The following ARMC8 variants were observed in gnomAD, a reference collection of about 807,000 sequenced individuals.
ARMC8 encodes armadillo repeat-containing protein 8.
In ARMC8, 20 loss-of-function variants were observed where a neutral mutation model predicts 99.3. That is an observed-to-expected ratio of 0.20 (90% CI 0.14 to 0.29). The LOEUF (loss-of-function observed/expected upper bound fraction) is 0.29, where lower values mean the gene tolerates loss of function less well. Ranked by LOEUF, ARMC8 falls within the 10% of genes least tolerant of loss-of-function variation. The pLI is 1.00. For missense variants in ARMC8, 569 were observed against 809.5 expected (o/e 0.70, Z 3.60); for synonymous variants, 263 against 278.3 (o/e 0.95, Z 0.55).
chr3:138,242,024 T>C, intron 11 of ARMC8, 41 bp downstream of exon 11: 1 of 1,568,016 alleles, frequency 6.4e-7, no homozygotes, highest in Non-Finnish European at 8.8e-7. Flanking sequence ...GGGAGATTTT[T>C]CTAAAGTTTT....
In ARMC8 at chr3:138,246,126, G is replaced by A. The variant is rs117745068; in HGVS notation, c.1134+943G>A. Reference sequence around the variant, plus strand: ...GTTCTTCAGGCCTGTAGAAAGAGGAGTATGGAACAACCTTACATTTGTTGA... The same window carrying A: ...GTTCTTCAGGCCTGTAGAAAGAGGAATATGGAACAACCTTACATTTGTTGA... On this transcript the variant is annotated intron_variant, in intron 12 of 21. Transcript: ENST00000469044. The A allele has an allele frequency of 7.9e-5, 78 of 985,434 alleles. 4 individuals are homozygous for A. In the East Asian group the frequency reaches 8.4e-3, roughly 106 times the overall value. 61.0% of individuals were successfully genotyped at this position (985,434 alleles called of 1,614,324 possible).
At chr3:138,203,015 A>C (rs569376468) in intron 1 of ARMC8, among the ~76,000 whole-genome samples, 1 of 152,328 alleles carries the variant, frequency 6.6e-6, no homozygotes, top group Admixed American at 6.5e-5. Context: ...TGGGTAGTTT[A>C]TTCAATCAAA....
intron 6 of ARMC8, among the ~76,000 whole-genome samples, chr3:138,229,963 C>T (rs570335141): frequency 5.3e-4 from 80 of 152,242 alleles, no homozygotes; most frequent in African/African-American, 1.8e-3. Context: ...TTAGAACAGC[C>T]TTCCAAATAA....
At chr3:138,221,744 C>A (rs2045407963) in intron 2 of ARMC8, among the ~76,000 whole-genome samples, 182 bp from the exon 3 acceptor site, 1 of 152,130 alleles carries the variant, frequency 6.6e-6, no homozygotes, top group Non-Finnish European at 1.5e-5. Flanking sequence ...TACAATACGC[C>A]GTTTTACAGC....
chr3:138,242,930 A>G (rs1196411180), intron 11 of ARMC8, among the ~76,000 whole-genome samples: 2 of 152,224 alleles, frequency 1.3e-5, no homozygotes, highest in African/African-American at 4.8e-5. Flanking sequence ...CTCTCTGGGT[A>G]TTAAACTTAT....
chr3:138,274,811 C>T (rs976251497), intron 18 of ARMC8, among the ~76,000 whole-genome samples: 1 of 152,130 alleles, frequency 6.6e-6, no homozygotes, highest in East Asian at 1.9e-4. Context: ...GAGCAGTCAC[C>T]TTTCATCATC....
At chr3:138,245,029 A>T in intron 11 of ARMC8, 59 bp from the exon 12 acceptor site, 1 of 1,571,860 alleles carries the variant, frequency 6.4e-7, no homozygotes, top group Admixed American at 1.8e-5. Context: ...AACTCAGTTA[A>T]TGTTATTGAA....
chr3:138,287,229 G>A (rs1160340499), intron 19 of ARMC8, among the ~76,000 whole-genome samples: 1 of 152,204 alleles, frequency 6.6e-6, no homozygotes, highest in Non-Finnish European at 1.5e-5. Flanking sequence ...AGTCCTTACT[G>A]TGGCCTACAA....
chr3:138,254,805 T>C (rs1247885688), intron 12 of ARMC8, among the ~76,000 whole-genome samples: 2 of 152,242 alleles, frequency 1.3e-5, no homozygotes, highest in South Asian at 2.1e-4. Context: ...AACTTTCTTC[T>C]AATGTTTCTT....
intron 12 of ARMC8, among the ~76,000 whole-genome samples, chr3:138,255,315 G>T (rs1181226029): frequency 6.7e-6 from 1 of 149,028 alleles, no homozygotes; most frequent in Non-Finnish European, 1.5e-5. Context: ...CCATTCTCCT[G>T]CCTCAGCCTC....
At chr3:138,188,467 A>G (rs2043199819) in intron 1 of ARMC8, 2 of 1,612,908 alleles carry the variant, frequency 1.2e-6, no homozygotes, top group East Asian at 4.5e-5. Context: ...CCAGGAATGA[A>G]AGTTACTGGG....
At chr3:138,267,121 A>T (rs1287146097) in intron 14 of ARMC8, 34 bp from the exon 15 acceptor site, 8 of 1,113,780 alleles carry the variant, frequency 7.2e-6, no homozygotes, top group Non-Finnish European at 1.0e-5. Context: ...TCATCATTCC[A>T]AATCATTAGT....
At position 138,205,340 on chromosome 3, in the gene ARMC8, C is replaced by T. The variant is rs142392760; in HGVS notation, c.46-4477C>T. 7.4e-4 allele frequency among the ~76,000 whole-genome samples: 113 copies of T among 151,962 alleles called. 2 individuals carry two copies. In the East Asian group the frequency reaches 8.6e-3, roughly 12 times the overall value. ...CTGGGATTACAGGCGTGAGCCACCACGCCCGGCGGCAATTCAGTCTTTTAA... is the reference window on the plus strand; with the variant it reads ...CTGGGATTACAGGCGTGAGCCACCATGCCCGGCGGCAATTCAGTCTTTTAA... On this transcript the variant is annotated intron_variant, in intron 1 of 21. Coordinates refer to ENST00000469044, the MANE Select transcript of ARMC8 (RefSeq NM_001363941.2).
At chr3:138,262,669 C>A in intron 12 of ARMC8, 3 of 1,336,788 alleles carry the variant, frequency 2.2e-6, no homozygotes, top group South Asian at 3.5e-5. Flanking sequence ...TGCTGTATGG[C>A]CTGGACATAG....
chr3:138,187,418 G>C lies in ARMC8; in HGVS notation c.-137G>C, dbSNP rs920820347. On this transcript the variant is annotated 5_prime_UTR_variant, in exon 1 of 22. Transcript: ENST00000469044. ...TTCTGCGGGCCTTTCCGGTACTTGA[G>C]CGGTGTCCAGAGCGTGGCCAGTTCT... 1.0e-5 allele frequency: 8 copies of C among 792,970 alleles called. No individual in the cohort carries two copies. Among genetic ancestry groups the C allele is most frequent in the African/African-American group, 8.6e-5 (5 of 57,820 alleles). 49.1% of individuals were successfully genotyped at this position (792,970 alleles called of 1,614,324 possible). A position where few individuals can be genotyped will look rare whatever the true frequency, so the allele number is the denominator to read the frequency against.
intron 6 of ARMC8, 168 bp downstream of exon 6, chr3:138,229,178 A>G (rs9838099): frequency 0.062 from 1,968 of 31,970 alleles, 119 homozygotes; most frequent in South Asian, 0.14. Context: ...ATATATATAT[A>G]TATATGTATA....
Position 138,273,108 on chromosome 3 carries a change from A to G in ARMC8, c.1621A>G (p.Thr541Ala). 1.2e-6 allele frequency: 2 copies of G among 1,603,048 alleles called. No homozygotes were observed. The highest frequency in any genetic ancestry group is 1.3e-5 in the African/African-American group (1 of 74,354). Residue 541 changes from threonine to alanine, a missense_variant, in exon 17 of 22, where the codon ACT becomes GCT. Thr to Ala is a moderately conservative substitution (Grantham distance 58). Coordinates refer to ENST00000469044, the MANE Select transcript of ARMC8 (RefSeq NM_001363941.2). Reference sequence around the variant, plus strand: ...GGGACTTCTTAGAAATCTCCTCTCCACTCGTCCTGTAAGTAAAATCACCCA... The same window carrying G: ...GGGACTTCTTAGAAATCTCCTCTCCGCTCGTCCTGTAAGTAAAATCACCCA... ...TLGLLRNLLS[T>A]RPHIDKIMST...
chr3:138,297,065 T>C lies in ARMC8; in HGVS notation c.*1173T>C, dbSNP rs2051553026. 1 of 152,206 alleles carries C rather than the reference T, an allele frequency of 6.6e-6. No homozygotes were observed. The highest frequency in any genetic ancestry group is 2.4e-5 in the African/African-American group (1 of 41,462). 9.4% of individuals were successfully genotyped at this position (152,206 alleles called of 1,614,324 possible). A position where few individuals can be genotyped will look rare whatever the true frequency, so the allele number is the denominator to read the frequency against. On this transcript the variant is annotated 3_prime_UTR_variant, in exon 22 of 22. Transcript: ENST00000469044. ...ACAGGATAGTTTAGAAAGCTTTCTG[T>C]TAGCTGTATTCAGCAAATTTCATAC... is the stretch of plus-strand genomic sequence containing the variant.
intron 12 of ARMC8, chr3:138,245,539 T>C: frequency 5.3e-6 from 6 of 1,128,352 alleles, no homozygotes; most frequent in Non-Finnish European, 5.4e-6. Flanking sequence ...ATTGTAAATG[T>C]TATTTATGGA....
Sources: gnomAD v4.1 joint callset for allele counts (sites outside exome capture counted in the v4.1 genomes callset) on GRCh38, gnomAD v4.1.1 for gene constraint, MANE v1.5 for transcripts, NCBI Gene and HGNC (gene_info 2026-07-23, HGNC 2026-07-21) for gene names.